Variants in PAPPA observed in about 807,000 individuals in gnomAD.
The protein encoded by PAPPA is pappalysin 1.
A neutral mutation model predicts 164.0 loss-of-function variants in PAPPA; 60 were observed. The ratio of observed to expected loss-of-function variants is 0.37; its 90% confidence interval spans 0.30 to 0.45. The LOEUF (loss-of-function observed/expected upper bound fraction) is 0.45. PAPPA is among the 20% of genes least tolerant of loss of function. The pLI is 1.00. For synonymous variants in PAPPA, 875 were observed against 814.1 expected, an observed-to-expected ratio of 1.07 and a Z score of -1.27; for missense variants, 1,782 against 2,087.3, an observed-to-expected ratio of 0.85 and a Z score of 2.85.
chr9:116,314,181 C>T (rs1845759177), intron 10 of PAPPA, among the ~76,000 whole-genome samples: 1 of 148,072 alleles, frequency 6.8e-6, no homozygotes, highest in African/African-American at 2.5e-5. Flanking sequence ...TTCAAGCGTC[C>T]TGCCTCAACC....
intron 1 of PAPPA, among the ~76,000 whole-genome samples, chr9:116,185,724 A>G (rs1441588976): frequency 6.6e-6 from 1 of 152,174 alleles, no homozygotes; most frequent in East Asian, 1.9e-4. Flanking sequence ...AAGGCTAGGA[A>G]ATGGGGGTTG....
intron 1 of PAPPA, among the ~76,000 whole-genome samples, chr9:116,172,625 A>G (rs1026884895): frequency 1.3e-5 from 2 of 152,058 alleles, no homozygotes; most frequent in Non-Finnish European, 2.9e-5. Context: ...TTCTCCCTCT[A>G]TGCTTTTTCA....
At chr9:116,390,361 G>A (rs1339970732) in intron 21 of PAPPA, among the ~76,000 whole-genome samples, 1 of 152,184 alleles carries the variant, frequency 6.6e-6, no homozygotes, top group Non-Finnish European at 1.5e-5. Context: ...AGACACCAGG[G>A]AAAGTGTTAA....
chr9:116,281,435 G>A (rs1845265558), intron 9 of PAPPA, among the ~76,000 whole-genome samples: 1 of 152,072 alleles, frequency 6.6e-6, no homozygotes, highest in South Asian at 2.1e-4. Context: ...AAGGGAAGAA[G>A]CCTTGCCATC....
intron 9 of PAPPA, chr9:116,285,975 G>C (rs191433117): frequency 1.3e-5 from 2 of 152,282 alleles, no homozygotes; most frequent in African/African-American, 4.8e-5. Flanking sequence ...GTGGCTTGGG[G>C]TGGTGGTTTC....
Position 116,226,229 on chromosome 9 carries a change from T to G in PAPPA, c.2112-1202T>G, listed in dbSNP as rs192116634. On this transcript the variant is annotated intron_variant, in intron 5 of 21. Transcript: ENST00000328252. ...ATAGGGCATTAGGGGATAAAATCAC[T>G]GAAAGAGGTAAGCAGAGGCATGACT... Among the ~76,000 whole-genome samples, 313 of 152,238 alleles carry G rather than the reference T, an allele frequency of 2.1e-3. 1 individual carries two copies. The highest frequency in any genetic ancestry group is 3.5e-3 in the Non-Finnish European group (237 of 68,024).
intron 19 of PAPPA, among the ~76,000 whole-genome samples, chr9:116,374,750 C>A (rs1846627429): frequency 6.6e-6 from 1 of 152,184 alleles, no homozygotes; most frequent in Non-Finnish European, 1.5e-5. Flanking sequence ...ACTTCTTGAA[C>A]CTTTACCAAA....
At chr9:116,183,118 T>G (rs1843926360) in intron 1 of PAPPA, among the ~76,000 whole-genome samples, 1 of 152,106 alleles carries the variant, frequency 6.6e-6, no homozygotes, top group Non-Finnish European at 1.5e-5. Context: ...CATTTTTTTT[T>G]TGTACTATGC....
intron 19 of PAPPA, among the ~76,000 whole-genome samples, chr9:116,371,720 T>C (rs1846577703): frequency 6.6e-6 from 1 of 152,152 alleles, no homozygotes; most frequent in South Asian, 2.1e-4. Context: ...TATTGAGCTA[T>C]AACTTACTTC....
At chr9:116,390,554 A>G (rs1348564767) in intron 21 of PAPPA, among the ~76,000 whole-genome samples, 1 of 151,976 alleles carries the variant, frequency 6.6e-6, no homozygotes, top group Non-Finnish European at 1.5e-5. Context: ...GAATCCCAGA[A>G]GGCCTTTTGG....
intron 2 of PAPPA, among the ~76,000 whole-genome samples, chr9:116,196,359 G>A (rs114490406): frequency 1.1e-4 from 17 of 152,266 alleles, no homozygotes; most frequent in African/African-American, 3.9e-4. Flanking sequence ...CCTGGGTTTG[G>A]CATGCTCAGC....
chr9:116,154,474 G>C lies in PAPPA; in HGVS notation c.302G>C (p.Gly101Ala), dbSNP rs1422099602. 10 of 1,303,138 alleles carry C rather than the reference G, an allele frequency of 7.7e-6. No homozygotes were observed. The highest frequency in any genetic ancestry group is 7.8e-6 in the Non-Finnish European group (8 of 1,024,584). 80.7% of individuals were successfully genotyped at this position (1,303,138 alleles called of 1,614,324 possible). A position where few individuals can be genotyped will look rare whatever the true frequency, so the allele number is the denominator to read the frequency against. ...CCGAGCCGGGCGCTCTATTTCAGCGGGCGAGGCGAGCAGCTGCGCCTCCGG... is the reference window on the plus strand; with the variant it reads ...CCGAGCCGGGCGCTCTATTTCAGCGCGCGAGGCGAGCAGCTGCGCCTCCGG... ...SPPSRALYFS[G>A]RGEQLRLRAD... Residue 101 changes from glycine (G) to alanine (A), a missense_variant, in exon 1 of 22, where the codon GGG becomes GCG. By Grantham distance (60) the Gly-to-Ala change is moderately conservative (BLOSUM62 0). Transcript: ENST00000328252. The surrounding 1 kb of genome is among the most constrained non-coding windows in gnomAD (Gnocchi z 5.2).
intron 9 of PAPPA, among the ~76,000 whole-genome samples, chr9:116,293,782 C>T (rs952070543): frequency 6.6e-6 from 1 of 151,992 alleles, no homozygotes; most frequent in Admixed American, 6.6e-5. Context: ...TGGAGAAACC[C>T]CGTCTCTATT....
chr9:116,190,782 C>A (rs1166988829), intron 2 of PAPPA, among the ~76,000 whole-genome samples: 1 of 152,220 alleles, frequency 6.6e-6, no homozygotes, highest in African/African-American at 2.4e-5. Context: ...CACGGGAATG[C>A]ATGCCCAGAG....
chr9:116,246,589 T>C (rs551254691), intron 7 of PAPPA, among the ~76,000 whole-genome samples: 12 of 152,208 alleles, frequency 7.9e-5, no homozygotes, highest in Non-Finnish European at 1.6e-4. Flanking sequence ...TAAACATGCA[T>C]GAATAAACTT....
chr9:116,197,731 C>T (rs1420739611), intron 2 of PAPPA, among the ~76,000 whole-genome samples: 9 of 152,186 alleles, frequency 5.9e-5, no homozygotes. Context: ...TCCAGAGGGA[C>T]CTACATCTAC....
chr9:116,277,861 T>A (rs1339685893), intron 9 of PAPPA, among the ~76,000 whole-genome samples: 4 of 151,942 alleles, frequency 2.6e-5, no homozygotes, highest in Admixed American at 2.6e-4. Context: ...AGAGACAGAG[T>A]TTCACCATGT....
intron 1 of PAPPA, among the ~76,000 whole-genome samples, chr9:116,180,857 A>G (rs988571590): frequency 6.6e-6 from 1 of 152,144 alleles, no homozygotes; most frequent in African/African-American, 2.4e-5. Context: ...CTCGAATTCC[A>G]GTTTTTCCTA....
chr9:116,269,009 T>C (rs142031321), intron 8 of PAPPA, among the ~76,000 whole-genome samples: 78 of 152,206 alleles, frequency 5.1e-4, no homozygotes, highest in Non-Finnish European at 1.0e-3. Flanking sequence ...AATGGATGAG[T>C]GCTGTCTTAA....
Sources: gnomAD v4.1 joint callset for allele counts (sites outside exome capture counted in the v4.1 genomes callset) on GRCh38, gnomAD v4.1.1 for gene constraint, Gnocchi (gnomAD v3.1) non-coding constraint, MANE v1.5 for transcripts, NCBI Gene and HGNC (gene_info 2026-07-23, HGNC 2026-07-21) for gene names.